The following CEP104 variants were observed in gnomAD, a reference collection of about 807,000 sequenced individuals.
CEP104 encodes the protein centrosomal protein of 104 kDa.
Under a neutral mutation model 113.3 loss-of-function variants are expected in CEP104, and 84 were observed. The ratio of observed to expected loss-of-function variants is 0.74; its 90% CI spans 0.62 to 0.89. CEP104 has a LOEUF of 0.89. Ranked by LOEUF, CEP104 falls within the 40% of genes least tolerant of loss-of-function variation. The probability of loss-of-function intolerance (pLI) is 0.00; values close to 1 mark genes in which losing one functional copy is unlikely to be tolerated. For synonymous variants in CEP104, 378 were observed against 421.7 expected, an observed-to-expected ratio of 0.90 and a Z score of 1.27; for missense variants, 1,053 against 1,156.6, an observed-to-expected ratio of 0.91 and a Z score of 1.30.
intron 12 of CEP104, among the ~76,000 whole-genome samples, chr1:3,832,417 CCTG>C (rs1644230231): frequency 3.8e-5 from 2 of 52,658 alleles, no homozygotes; most frequent in African/African-American, 1.3e-4. Flanking sequence ...TAGCGTAGGT[CCTG>C]ACCAGGAGTG....
Position 3,848,746 on chromosome 1 carries a change from A to G in CEP104, c.149T>C (p.Met50Thr). The G allele has an allele frequency of 6.2e-7, 1 of 1,610,114 alleles. No homozygotes were observed. The highest frequency in any genetic ancestry group is 8.5e-7 in the Non-Finnish European group (1 of 1,179,052). ...CQFPQEIVLQ[M>T]VERCRIRKLQ... ...TTTCCTTATTCGACATCTCTCCACC[A>G]TTTGAAGGACAATTTCTTGTGGAAA... is the stretch of plus-strand genomic sequence containing the variant. Residue 50 changes from methionine to threonine, a missense_variant, in exon 3 of 22, where the codon ATG becomes ACG. Met to Thr is a moderately conservative substitution (Grantham distance 81, BLOSUM62 -1). Coordinates refer to ENST00000378230, the MANE Select transcript of CEP104 (RefSeq NM_014704.4).
intron 18 of CEP104, among the ~76,000 whole-genome samples, chr1:3,824,398 T>C (rs1369211221): frequency 6.6e-6 from 1 of 152,128 alleles, no homozygotes; most frequent in East Asian, 1.9e-4. Flanking sequence ...TATTTCTCTA[T>C]AGTAATGCAA....
chr1:3,838,894 T>G, intron 8 of CEP104, 70 bp downstream of exon 8: 2 of 1,539,198 alleles, frequency 1.3e-6, no homozygotes, highest in Non-Finnish European at 1.8e-6. Context: ...CTATCCACTG[T>G]TGTGAACCAC....
At chr1:3,843,446 G>A (rs1448802309) in intron 6 of CEP104, 17 of 460,680 alleles carry the variant, frequency 3.7e-5, no homozygotes, top group Non-Finnish European at 5.7e-5. Flanking sequence ...GCATGATCTC[G>A]GCTCAAGCGA....
rs1643863010 is a variant in CEP104 at position 3,815,261 on chromosome 1, G to A, written c.*141C>T. 6.3e-6 allele frequency: 4 copies of A among 637,042 alleles called. No homozygotes were observed. In the Admixed American group the frequency reaches 8.0e-5, roughly 13 times the overall value. The allele number at this position is 637,042 out of a possible 1,614,324, so 39.5% of individuals were successfully genotyped here. A position where few individuals can be genotyped will look rare whatever the true frequency, so the allele number is the denominator to read the frequency against. ...TTGCACGAGAGCTGACGGCACAGAC[G>A]CGTAAGAGGCGTGCACGGCGGGGAG... On this transcript the variant is annotated 3_prime_UTR_variant, in exon 22 of 22. Transcript: ENST00000378230.
chr1:3,844,275 C>T (rs1015319539), intron 6 of CEP104, among the ~76,000 whole-genome samples: 1 of 152,110 alleles, frequency 6.6e-6, no homozygotes, highest in African/African-American at 2.4e-5. Flanking sequence ...CTAGTGATAC[C>T]TGAACACAAG....
At chr1:3,849,365 T>C (rs1644569504) in intron 2 of CEP104, among the ~76,000 whole-genome samples, 1 of 151,616 alleles carries the variant, frequency 6.6e-6, no homozygotes, top group Non-Finnish European at 1.5e-5. Context: ...TGGGCTCAAG[T>C]GACCCTCCTA....
At chr1:3,853,801 A>G (rs1347242603) in intron 1 of CEP104, among the ~76,000 whole-genome samples, 1 of 65,160 alleles carries the variant, frequency 1.5e-5, no homozygotes, top group Admixed American at 1.2e-4. Flanking sequence ...AAAGCCCCCC[A>G]GAACAGGATG....
chr1:3,818,060 C>A (rs1474455656), intron 20 of CEP104, among the ~76,000 whole-genome samples: 1 of 152,230 alleles, frequency 6.6e-6, no homozygotes, highest in Non-Finnish European at 1.5e-5. Context: ...GATGCAAGAG[C>A]CAGGCGGCTG....
At chr1:3,824,286 G>T (rs1283563301) in intron 18 of CEP104, among the ~76,000 whole-genome samples, 1 of 152,086 alleles carries the variant, frequency 6.6e-6, no homozygotes, top group Non-Finnish European at 1.5e-5. Context: ...GGGTTTCTCC[G>T]TGTTGGTCAG....
chr1:3,834,820 C>G, intron 11 of CEP104, 105 bp downstream of exon 11: 1 of 1,037,402 alleles, frequency 9.6e-7, no homozygotes, highest in Non-Finnish European at 1.4e-6. Context: ...TTGGTGACCA[C>G]GTCAATGACC....
rs59794257 is a variant in CEP104, at chr1:3,849,266, CTT to C, written c.114-487_114-486del. Among the ~76,000 whole-genome samples, 729 of 127,310 alleles carry C rather than the reference CTT, an allele frequency of 5.7e-3. 1 individual carries two copies. Among genetic ancestry groups the C allele is most frequent in the African/African-American group, 7.0e-3 (241 of 34,198 alleles). The allele number at this position is 127,310 out of a possible 152,430, so 83.5% of individuals were successfully genotyped here. On this transcript the variant is annotated intron_variant, in intron 2 of 21. Transcript: ENST00000378230. ...GCTTCTTTGCTCAAAAGTGACATAACTTTTTTTTTTTTTTTTTTTGGGAAAAG... is the reference window on the plus strand; with the variant it reads ...GCTTCTTTGCTCAAAAGTGACATAACTTTTTTTTTTTTTTTTTGGGAAAAG...
intron 15 of CEP104, among the ~76,000 whole-genome samples, chr1:3,828,486 C>T (rs1243067757): frequency 6.6e-6 from 1 of 152,102 alleles, no homozygotes; most frequent in Non-Finnish European, 1.5e-5. Context: ...ATCTTTTTTC[C>T]CCATTCGTAC....
At chr1:3,829,728 C>T (rs1156329968) in intron 14 of CEP104, 63 bp downstream of exon 14, 2 of 1,495,430 alleles carry the variant, frequency 1.3e-6, no homozygotes, top group Non-Finnish European at 1.9e-6. Context: ...TATTTACGTA[C>T]CGAGTAACTG....
At chr1:3,830,776 CAAAAAA>C (rs61056063) in intron 13 of CEP104, among the ~76,000 whole-genome samples, 1 of 108,594 alleles carries the variant, frequency 9.2e-6, no homozygotes, top group Non-Finnish European at 1.9e-5. Flanking sequence ...GACTCCATCT[CAAAAAA>C]AAAAAAAAAA....
At chr1:3,826,295 C>G in intron 17 of CEP104, 75 bp downstream of exon 17, 1 of 1,290,446 alleles carries the variant, frequency 7.7e-7, no homozygotes, top group South Asian at 1.2e-5. Flanking sequence ...AGGGAGGACG[C>G]ATTCCCTTTC....
intron 15 of CEP104, 145 bp from the exon 16 acceptor site, chr1:3,826,889 G>C: frequency 1.2e-6 from 1 of 828,674 alleles, no homozygotes; most frequent in South Asian, 1.7e-5. Flanking sequence ...GCTCATGCCC[G>C]TAATCCCAGC....
intron 18 of CEP104, among the ~76,000 whole-genome samples, chr1:3,825,057 G>GCAGTGGCACTGTGGGAAGGGA (rs1644062394): frequency 2.4e-5 from 1 of 40,972 alleles, no homozygotes; most frequent in East Asian, 7.6e-4. Context: ...GTGGGAAGGG[G>GCAGTGGCACTGTGGGAAGGGA]GCAGTGGCAC....
chr1:3,823,443 T>C lies in CEP104; in HGVS notation c.2484A>G (p.Ile828Met), dbSNP rs1172114000. 1.2e-6 allele frequency: 2 copies of C among 1,614,224 alleles called. No homozygotes were observed. Among genetic ancestry groups the C allele is most frequent in the Non-Finnish European group, 1.7e-6 (2 of 1,180,038 alleles). The change falls in exon 19 of 22, where the codon ATA (isoleucine) becomes ATG (methionine). Residue 828 changes from isoleucine (I) to methionine (M), a missense_variant. Coordinates refer to ENST00000378230, the MANE Select transcript of CEP104 (RefSeq NM_014704.4). The surrounding 1 kb of genome is among the most constrained non-coding windows in gnomAD (Gnocchi z 4.1). ...ACTCACGGTTGCAATCCTTGTGTTT[T>C]ATGTGTCTGGGCAGCTCTTCCTTGA... ...AVFKEELPRH[I>M]KHKDCNPAKP...
Sources: allele counts gnomAD v4.1 joint callset (sites outside exome capture counted in the v4.1 genomes callset), GRCh38; gene constraint gnomAD v4.1.1; non-coding constraint Gnocchi (gnomAD v3.1); transcripts MANE v1.5; gene names NCBI Gene and HGNC (gene_info 2026-07-23, HGNC 2026-07-21).